RHOA: variants seen among roughly 807,000 people sequenced by gnomAD.
The protein encoded by RHOA is transforming protein RhoA.
RHOA carries 3 observed loss-of-function variants against 17.5 expected under a neutral mutation model. The ratio of observed to expected loss-of-function variants is 0.17; its 90% confidence interval spans 0.08 to 0.44. RHOA has a LOEUF of 0.44. RHOA is among the 20% of genes least tolerant of loss of function. The pLI, the probability that RHOA is intolerant of heterozygous loss-of-function variation, is 0.99. For missense variants in RHOA, 56 were observed against 242.3 expected (o/e 0.23, Z 5.10); for synonymous variants, 98 against 88.4 (o/e 1.11, Z -0.61).
chr3:49,372,093 T>C (rs2048155326), intron 2 of RHOA, among the ~76,000 whole-genome samples: 3 of 152,192 alleles, frequency 2.0e-5, no homozygotes, highest in Non-Finnish European at 4.4e-5. Context: ...AGCCAATGGA[T>C]CTTTCTATGT....
At chr3:49,371,863 G>A (rs1442235177) in intron 2 of RHOA, among the ~76,000 whole-genome samples, 4 of 152,146 alleles carry the variant, frequency 2.6e-5, no homozygotes, top group African/African-American at 7.2e-5. Context: ...GTTCCAAGAT[G>A]CCCAGGCAGA....
chr3:49,390,868 A>G (rs1455998280), intron 1 of RHOA, among the ~76,000 whole-genome samples: 1 of 151,844 alleles, frequency 6.6e-6, no homozygotes, highest in Non-Finnish European at 1.5e-5. Flanking sequence ...AGATTACTTG[A>G]GGTCAGGAGT....
At chr3:49,390,284 G>A (rs563028283) in intron 1 of RHOA, among the ~76,000 whole-genome samples, 3 of 152,082 alleles carry the variant, frequency 2.0e-5, no homozygotes, top group South Asian at 2.1e-4. Context: ...ACAGGCACCC[G>A]CCACCACGCC....
At chr3:49,402,930 G>A (rs1220397343) in intron 1 of RHOA, among the ~76,000 whole-genome samples, 1 of 151,750 alleles carries the variant, frequency 6.6e-6, no homozygotes, top group East Asian at 1.9e-4. Flanking sequence ...CCAGCTACTC[G>A]GGAGGCTGAA....
intron 1 of RHOA, among the ~76,000 whole-genome samples, chr3:49,385,360 C>T (rs1392521381): frequency 6.6e-6 from 1 of 151,324 alleles, no homozygotes; most frequent in African/African-American, 2.4e-5. Context: ...AGCTGGGAGG[C>T]GTCTGCCACC....
In RHOA at chr3:49,407,237, T is replaced by G. The variant is rs1020036511; in HGVS notation, c.-3+4583A>C. Among the ~76,000 whole-genome samples the G allele has an allele frequency of 2.2e-3, 294 of 135,022 alleles. 2 individuals are homozygous for G. Among genetic ancestry groups the G allele is most frequent in the African/African-American group, 7.7e-3 (280 of 36,424 alleles). 88.6% of individuals were successfully genotyped at this position (135,022 alleles called of 152,430 possible). A position where few individuals can be genotyped will look rare whatever the true frequency, so the allele number is the denominator to read the frequency against. On this transcript the variant is annotated intron_variant, in intron 1 of 4. Transcript: ENST00000418115. The stretch of plus-strand genomic sequence containing the variant: ...AATATTATGAAATCCTTTCCGTTTT[T>G]TTTTTTTTTTTTTTTTTTTTGAGTC...
chr3:49,393,357 A>G (rs2048542884), intron 1 of RHOA, among the ~76,000 whole-genome samples: 1 of 151,698 alleles, frequency 6.6e-6, no homozygotes, highest in Admixed American at 6.6e-5. Context: ...CCCAGACTGG[A>G]GTGCAGTGAC....
intron 1 of RHOA, among the ~76,000 whole-genome samples, chr3:49,399,990 G>A (rs2048694764): frequency 6.6e-6 from 1 of 151,934 alleles, no homozygotes; most frequent in Admixed American, 6.6e-5. Flanking sequence ...GGAGGCCGAG[G>A]TGGGCGAATC....
intron 1 of RHOA, among the ~76,000 whole-genome samples, chr3:49,378,150 AAC>A (rs2048262153): frequency 7.0e-6 from 1 of 143,028 alleles, no homozygotes; most frequent in Non-Finnish European, 1.5e-5. Context: ...CAGCCTGGGC[AAC>A]AGAGTGAAAC....
chr3:49,362,920 C>CG (rs1385232998), intron 3 of RHOA, among the ~76,000 whole-genome samples: 2 of 152,160 alleles, frequency 1.3e-5, no homozygotes, highest in African/African-American at 4.8e-5. Flanking sequence ...GGTAGTTTCA[C>CG]GGGGGGCACT....
intron 1 of RHOA, among the ~76,000 whole-genome samples, chr3:49,402,771 C>G (rs752909510): frequency 2.0e-5 from 3 of 152,044 alleles, no homozygotes; most frequent in Non-Finnish European, 4.4e-5. Flanking sequence ...GGAGCAGTGG[C>G]TCACACCTGT....
chr3:49,373,789 C>G (rs761064022), intron 2 of RHOA, among the ~76,000 whole-genome samples: 9 of 151,538 alleles, frequency 5.9e-5, no homozygotes, highest in Non-Finnish European at 1.2e-4. Flanking sequence ...AAAGTACAAT[C>G]CCTGTCTCTT....
chr3:49,386,143 G>T (rs1170324546), intron 1 of RHOA, among the ~76,000 whole-genome samples: 2 of 152,180 alleles, frequency 1.3e-5, no homozygotes, highest in African/African-American at 4.8e-5. Flanking sequence ...GAATTACACT[G>T]AATCTACAGA....
At chr3:49,361,579 G>A (rs915449535) in intron 4 of RHOA, among the ~76,000 whole-genome samples, 6 of 152,128 alleles carry the variant, frequency 3.9e-5, no homozygotes, top group African/African-American at 1.4e-4. Context: ...AGCTGGGGAA[G>A]GCAATCAAGA....
At chr3:49,383,673 C>T (rs549359357) in intron 1 of RHOA, among the ~76,000 whole-genome samples, 1 of 152,232 alleles carries the variant, frequency 6.6e-6, no homozygotes, top group African/African-American at 2.4e-5. Context: ...TTTGTGCCTT[C>T]CCTTCCTAGA....
At chr3:49,403,538 A>T (rs2048762319) in intron 1 of RHOA, among the ~76,000 whole-genome samples, 1 of 149,562 alleles carries the variant, frequency 6.7e-6, no homozygotes, top group African/African-American at 2.5e-5. Flanking sequence ...ACATAGTGAG[A>T]CCCCTCTCTC....
In RHOA at chr3:49,393,709, T is replaced by C. The variant is rs1007402110; in HGVS notation, c.-3+18111A>G. 1.4e-5 allele frequency among the ~76,000 whole-genome samples: 2 copies of C among 141,360 alleles called. 1 individual carries two copies. The highest frequency in any genetic ancestry group is 3.0e-5 in the Non-Finnish European group (2 of 66,482). The allele number at this position is 141,360 out of a possible 152,430, so 92.7% of individuals were successfully genotyped here. A position where few individuals can be genotyped will look rare whatever the true frequency, so the allele number is the denominator to read the frequency against. ...GTGTGTGTGTGTGTGTGTGTGTGTG[T>C]GTGTGTGTGTGTGTGTGTGTGACAG... On this transcript the variant is annotated intron_variant, in intron 1 of 4. Transcript: ENST00000418115.
At chr3:49,361,909 C>G (rs2047978341) in intron 4 of RHOA, among the ~76,000 whole-genome samples, 1 of 150,600 alleles carries the variant, frequency 6.6e-6, no homozygotes, top group South Asian at 2.1e-4. Context: ...TAACAGAGGC[C>G]AGGCACAGTG....
Position 49,403,057 on chromosome 3 carries a change from A to G in RHOA, c.-3+8763T>C, listed in dbSNP as rs921040007. On this transcript the variant is annotated intron_variant, in intron 1 of 4. Transcript: ENST00000418115. ...ATCTCATAAAAAAAAAAAAAAAGAAACCCGCCGAGCGCGGTGGCTCACGCC... is the reference window on the plus strand; with the variant it reads ...ATCTCATAAAAAAAAAAAAAAAGAAGCCCGCCGAGCGCGGTGGCTCACGCC... Among the ~76,000 whole-genome samples, 1,203 of 149,480 alleles carry G rather than the reference A, an allele frequency of 8.0e-3. 5 individuals are homozygous for G. The highest frequency in any genetic ancestry group is 0.029 in the Middle Eastern group (8 of 276).
Sources: allele counts gnomAD v4.1 joint callset (sites outside exome capture counted in the v4.1 genomes callset), GRCh38; gene constraint gnomAD v4.1.1; transcripts MANE v1.5; gene names NCBI Gene and HGNC (gene_info 2026-07-23, HGNC 2026-07-21).